HIVEP1: variants seen among roughly 807,000 people sequenced by gnomAD.
HIVEP1 encodes the protein zinc finger protein 40.
A neutral mutation model predicts 180.0 loss-of-function variants in HIVEP1; 36 were observed. That is an observed-to-expected ratio of 0.20 (90% CI 0.15 to 0.26). The LOEUF (loss-of-function observed/expected upper bound fraction) is 0.26. Among genes scored for constraint, HIVEP1 ranks in the 10% least tolerant of loss-of-function variants. The pLI is 1.00. For synonymous variants in HIVEP1, 1,239 were observed against 1,239.0 expected (o/e 1.00, Z 0.00); for missense variants, 3,143 against 3,268.7 (o/e 0.96, Z 0.94).
At chr6:12,197,570 A>AT in the HIVEP1 span, among the ~76,000 whole-genome samples, 3 of 147,890 alleles carry the variant, frequency 2.0e-5, no homozygotes, top group African/African-American at 7.4e-5. Flanking sequence ...AAAAAAAAAA[A>AT]GTAAAGAAAA....
chr6:12,047,486 G>A (rs1291918702), intron 2 of HIVEP1, among the ~76,000 whole-genome samples: 1 of 152,242 alleles, frequency 6.6e-6, no homozygotes, highest in Non-Finnish European at 1.5e-5. Context: ...CTGCTACCTC[G>A]TGGTCCCCAC....
At chr6:12,108,464 G>T (rs1180395508) in intron 3 of HIVEP1, among the ~76,000 whole-genome samples, 8 of 152,250 alleles carry the variant, frequency 5.3e-5, no homozygotes, top group African/African-American at 1.9e-4. Flanking sequence ...GGAGGCTTGG[G>T]CTGCGCAGGA....
intron 3 of HIVEP1, among the ~76,000 whole-genome samples, chr6:12,097,661 A>G (rs1447427011): frequency 3.3e-5 from 5 of 152,132 alleles, no homozygotes; most frequent in African/African-American, 7.2e-5. Context: ...TGTCATTTAT[A>G]TAAGTTAAAG....
At chr6:12,108,683 G>C (rs1219955833) in intron 3 of HIVEP1, among the ~76,000 whole-genome samples, 3 of 152,182 alleles carry the variant, frequency 2.0e-5, no homozygotes, top group African/African-American at 7.2e-5. Flanking sequence ...GCTGCTCCGA[G>C]TGCGGGGCCC....
At chr6:12,145,515 TAAA>T (rs202193525) in intron 7 of HIVEP1, among the ~76,000 whole-genome samples, 8 of 103,726 alleles carry the variant, frequency 7.7e-5, no homozygotes, top group Admixed American at 1.9e-4. Flanking sequence ...ACTTAAAGTA[TAAA>T]AAAAAAAAAA....
At chr6:12,167,688 T>TATATACATATATACATATATGTGTATA (rs1562023810), downstream of HIVEP1, among the ~76,000 whole-genome samples, 4 of 19,734 alleles carry the variant, frequency 2.0e-4, no homozygotes, top group African/African-American at 7.9e-4. Flanking sequence ...ATGTGTATAA[T>TATATACATATATACATATATGTGTATA]ATATATACAT....
intron 3 of HIVEP1, among the ~76,000 whole-genome samples, chr6:12,095,834 T>C (rs1773752831): frequency 6.6e-6 from 1 of 152,014 alleles, no homozygotes; most frequent in South Asian, 2.1e-4. Flanking sequence ...TATTCTGATA[T>C]TATTCCCTGG....
intron 3 of HIVEP1, among the ~76,000 whole-genome samples, chr6:12,090,495 T>C (rs1157892378): frequency 6.6e-6 from 1 of 152,078 alleles, no homozygotes; most frequent in African/African-American, 2.4e-5. Context: ...GGGTACTATG[T>C]AGCACCCCTC....
chr6:12,128,199 C>T (rs2113554004), intron 4 of HIVEP1, among the ~76,000 whole-genome samples: 1 of 152,252 alleles, frequency 6.6e-6, no homozygotes, highest in East Asian at 1.9e-4. Flanking sequence ...GGGATAAAGT[C>T]AAAGGAAGGT....
chr6:12,042,751 A>G (rs1769857306), intron 2 of HIVEP1, among the ~76,000 whole-genome samples: 1 of 152,138 alleles, frequency 6.6e-6, no homozygotes, highest in African/African-American at 2.4e-5. Flanking sequence ...CAAAATATGT[A>G]GTTTTTTAAA....
chr6:12,098,708 T>C (rs1773916023), intron 3 of HIVEP1, among the ~76,000 whole-genome samples: 1 of 152,006 alleles, frequency 6.6e-6, no homozygotes. Context: ...TAGTAGAAAA[T>C]AAAAGTGAGA....
intron 2 of HIVEP1, among the ~76,000 whole-genome samples, chr6:12,079,427 C>T (rs1222668521): frequency 6.6e-6 from 1 of 152,090 alleles, no homozygotes; most frequent in Non-Finnish European, 1.5e-5. Context: ...ACATTCTTAG[C>T]CATGAAGTGC....
chr6:12,183,981 A>ATAGATAGATAGG, the HIVEP1 span, among the ~76,000 whole-genome samples: 4 of 114,272 alleles, frequency 3.5e-5, no homozygotes, highest in African/African-American at 1.5e-4. Context: ...GTAAAGATAG[A>ATAGATAGATAGG]TAGATAGATA....
chr6:12,106,843 A>T (rs929691213), intron 3 of HIVEP1, among the ~76,000 whole-genome samples: 10 of 152,208 alleles, frequency 6.6e-5, no homozygotes, highest in Non-Finnish European at 1.5e-4. Context: ...TATCATTGGC[A>T]TGAGAGATAT....
At chr6:12,096,033 C>T (rs1773764419) in intron 3 of HIVEP1, among the ~76,000 whole-genome samples, 1 of 151,774 alleles carries the variant, frequency 6.6e-6, no homozygotes, top group Non-Finnish European at 1.5e-5. Context: ...TTTAGGTCAG[C>T]TTGCATTATG....
chr6:12,184,303 A>G, the HIVEP1 span, among the ~76,000 whole-genome samples: 2 of 152,176 alleles, frequency 1.3e-5, no homozygotes, highest in Non-Finnish European at 1.5e-5. Flanking sequence ...AATTTCCTAG[A>G]ATGTTACCTA....
At chr6:12,032,990 C>T (rs1769050264) in intron 2 of HIVEP1, among the ~76,000 whole-genome samples, 1 of 152,190 alleles carries the variant, frequency 6.6e-6, no homozygotes, top group Admixed American at 6.5e-5. Context: ...TGAAACTTCA[C>T]TGTTATTTTA....
At chr6:12,049,332 C>T (rs1770343971) in intron 2 of HIVEP1, among the ~76,000 whole-genome samples, 1 of 152,194 alleles carries the variant, frequency 6.6e-6, no homozygotes, top group Non-Finnish European at 1.5e-5. Flanking sequence ...CTCTCTCTTC[C>T]TCTCTCTAAG....
At chr6:12,193,866 TA>T in the HIVEP1 span, among the ~76,000 whole-genome samples, 1 of 152,256 alleles carries the variant, frequency 6.6e-6, no homozygotes, top group African/African-American at 2.4e-5. Context: ...GGCTCAGTTT[TA>T]GAACTTAAGG....
Sources: allele counts gnomAD v4.1 joint callset (sites outside exome capture counted in the v4.1 genomes callset), GRCh38; gene constraint gnomAD v4.1.1; transcripts MANE v1.5; gene names NCBI Gene and HGNC (gene_info 2026-07-23, HGNC 2026-07-21).